Variants in EEA1 observed in about 807,000 individuals in gnomAD.
EEA1 encodes the protein early endosome antigen 1, also known as early endosome antigen 1, 162kD.
EEA1 carries 111 observed loss-of-function variants against 209.2 expected under a neutral mutation model. The ratio of observed to expected loss-of-function variants is 0.53; its 90% CI spans 0.45 to 0.62. The LOEUF (loss-of-function observed/expected upper bound fraction) is 0.62, where lower values mean the gene tolerates loss of function less well. Ranked by LOEUF, EEA1 falls within the 20% of genes least tolerant of loss-of-function variation. The pLI is 0.00. For synonymous variants in EEA1, 536 were observed against 540.6 expected (o/e 0.99, Z 0.12); for missense variants, 1,343 against 1,530.8 (o/e 0.88, Z 2.05).
intron 1 of EEA1, among the ~76,000 whole-genome samples, chr12:92,898,731 C>CTTTTTTT (rs772593153): frequency 2.6e-5 from 2 of 76,110 alleles, no homozygotes; most frequent in Non-Finnish European, 4.9e-5. Flanking sequence ...CTTTTTTTCC[C>CTTTTTTT]TTTTTTTTTT....
rs1881330740 is a variant in EEA1, at chr12:92,929,122, A to G, written c.-56T>C. 5 of 1,543,130 alleles carry G rather than the reference A, an allele frequency of 3.2e-6. No homozygotes were observed. The South Asian group carries it at 5.9e-5, about 18-fold the overall frequency. On this transcript the variant is annotated 5_prime_UTR_variant, in exon 1 of 29. Coordinates refer to ENST00000322349, the MANE Select transcript of EEA1 (RefSeq NM_003566.4). ...GACTCTCCAGACCCTGCGCGGGGCC[A>G]CTCACTACTCGGGGTGCGCGGGCGG...
chr12:92,928,561 C>G (rs1212473168), intron 1 of EEA1, among the ~76,000 whole-genome samples: 1 of 152,212 alleles, frequency 6.6e-6, no homozygotes, highest in Non-Finnish European at 1.5e-5. Context: ...AAGGAGAAAG[C>G]AGGGCCGTGT....
chr12:92,779,117 A>C lies in EEA1; in HGVS notation c.3652T>G (p.Leu1218Val), dbSNP rs763455339. ...KKEFIEKEAK[L>V]HSEIKEKEVG... ...CTTCCCCCGATTAACTCACTGACCA[A>C]CTTAGCTTCTTTCTCAATAAATTCT... Residue 1218 changes from leucine to valine, a missense_variant and splice_region_variant, in exon 25 of 29, where the codon TTG becomes GTG. This residue lies in a region of EEA1 where 1,307 missense variants were observed against 1,465.5 expected (regional missense o/e 0.89). Coordinates refer to ENST00000322349, the MANE Select transcript of EEA1 (RefSeq NM_003566.4). The C allele has an allele frequency of 3.1e-6, 5 of 1,599,496 alleles. No homozygotes were observed. The highest frequency in any genetic ancestry group is 4.3e-6 in the Non-Finnish European group (5 of 1,176,450).
At chr12:92,822,525 G>A (rs891847797) in intron 13 of EEA1, among the ~76,000 whole-genome samples, 2 of 151,662 alleles carry the variant, frequency 1.3e-5, no homozygotes, top group Admixed American at 6.6e-5. Context: ...ATTTGAAGGT[G>A]CTGATTACCC....
chr12:92,867,741 A>G (rs1344828723), intron 2 of EEA1, among the ~76,000 whole-genome samples: 1 of 152,200 alleles, frequency 6.6e-6, no homozygotes, highest in Non-Finnish European at 1.5e-5. Flanking sequence ...TTACAGGAAC[A>G]CAGGAGAAGT....
Position 92,864,914 on chromosome 12 carries a change from T to C in EEA1, c.191A>G (p.His64Arg). 2.5e-6 allele frequency: 4 copies of C among 1,611,290 alleles called. No individual in the cohort carries two copies. Among genetic ancestry groups the C allele is most frequent in the Non-Finnish European group, 3.4e-6 (4 of 1,178,798 alleles). ...DELFKHYEAV[H>R]DAGNDSGHGG... ...ATGACCTGAGTCATTACCAGCATCATGAACAGCTTCATAATGTTTGAAAAG... is the reference window on the plus strand; with the variant it reads ...ATGACCTGAGTCATTACCAGCATCACGAACAGCTTCATAATGTTTGAAAAG... Residue 64 changes from histidine to arginine, a missense_variant, in exon 3 of 29, where the codon CAT becomes CGT. Transcript: ENST00000322349.
rs1224226632 is a variant in EEA1, at chr12:92,774,552, CTT to C, written c.*1457_*1458del. ...ATAAACCAATATTAATAACTTCTCT[CTT>C]GAGATGTTTTACAATTTTCCAAATT... On this transcript the variant is annotated 3_prime_UTR_variant, in exon 29 of 29. Transcript: ENST00000322349. 2 of 151,640 alleles carry C rather than the reference CTT, an allele frequency of 1.3e-5. No homozygotes were observed. The highest frequency in any genetic ancestry group is 3.0e-5 in the Non-Finnish European group (2 of 67,620). 9.4% of individuals were successfully genotyped at this position (151,640 alleles called of 1,614,324 possible).
At chr12:92,785,314 C>A (rs887008067) in intron 22 of EEA1, among the ~76,000 whole-genome samples, 5 of 152,100 alleles carry the variant, frequency 3.3e-5, no homozygotes, top group African/African-American at 1.2e-4. Context: ...GCCAGGCTAC[C>A]TTCCATTCTA....
intron 1 of EEA1, among the ~76,000 whole-genome samples, chr12:92,898,899 G>T (rs1880031265): frequency 6.7e-6 from 1 of 149,026 alleles, no homozygotes; most frequent in Admixed American, 6.7e-5. Flanking sequence ...AATAAAGATG[G>T]CTAGAGAACA....
intron 21 of EEA1, among the ~76,000 whole-genome samples, chr12:92,788,320 G>A (rs956672492): frequency 6.6e-6 from 1 of 150,996 alleles, no homozygotes; most frequent in Non-Finnish European, 1.5e-5. Context: ...ATCAGGTCTC[G>A]GGAGAAAGAG....
chr12:92,892,480 A>G (rs1879690049), intron 1 of EEA1, among the ~76,000 whole-genome samples: 1 of 152,178 alleles, frequency 6.6e-6, no homozygotes, highest in African/African-American at 2.4e-5. Context: ...TCAAGATCCA[A>G]GTTAAAGCAA....
chr12:92,827,812 T>A, intron 12 of EEA1, 100 bp downstream of exon 12: 1 of 1,304,366 alleles, frequency 7.7e-7, no homozygotes, highest in Non-Finnish European at 1.0e-6. Flanking sequence ...ATTTGCACTT[T>A]AAAAAGTCCA....
chr12:92,797,134 C>T (rs1229559494), intron 21 of EEA1, among the ~76,000 whole-genome samples: 1 of 152,202 alleles, frequency 6.6e-6, no homozygotes, highest in Admixed American at 6.5e-5. Flanking sequence ...GTTGCCCAAG[C>T]TGGAGTGCAG....
chr12:92,777,763 G>A, intron 26 of EEA1, 100 bp from the exon 27 acceptor site: 1 of 1,321,552 alleles, frequency 7.6e-7, no homozygotes, highest in Non-Finnish European at 1.0e-6. Flanking sequence ...TAAAATATAT[G>A]ATACATTAAT....
intron 1 of EEA1, among the ~76,000 whole-genome samples, chr12:92,910,947 C>G (rs1046374742): frequency 6.6e-6 from 1 of 152,236 alleles, no homozygotes; most frequent in Non-Finnish European, 1.5e-5. Flanking sequence ...CACAACACAG[C>G]TAGTAGAATG....
At chr12:92,820,007 CTTGGTTATCA>C (rs1227956925) in intron 13 of EEA1, among the ~76,000 whole-genome samples, 1 of 152,182 alleles carries the variant, frequency 6.6e-6, no homozygotes, top group African/African-American at 2.4e-5. Context: ...TATTCCCTAT[CTTGGTTATCA>C]TTTTCTTTCC....
At chr12:92,829,890 AT>A (rs1380611997) in intron 11 of EEA1, among the ~76,000 whole-genome samples, 1 of 152,024 alleles carries the variant, frequency 6.6e-6, no homozygotes, top group African/African-American at 2.4e-5. Flanking sequence ...AAAGAAAGAC[AT>A]AAATTATGAT....
At chr12:92,800,857 A>G (rs377422629) in intron 20 of EEA1, among the ~76,000 whole-genome samples, 1 of 152,246 alleles carries the variant, frequency 6.6e-6, no homozygotes, top group East Asian at 1.9e-4. Flanking sequence ...TTGGGCATGA[A>G]GCAATTATAA....
chr12:92,887,025 CAAAA>C (rs1435230184), intron 2 of EEA1, among the ~76,000 whole-genome samples: 1 of 25,506 alleles, frequency 3.9e-5, no homozygotes, highest in African/African-American at 1.1e-4. Context: ...AACAAACAAA[CAAAA>C]ACAAAGAAAA....
Sources: allele counts gnomAD v4.1 joint callset (sites outside exome capture counted in the v4.1 genomes callset), GRCh38; gene constraint gnomAD v4.1.1; regional missense constraint gnomAD v4.1.1; transcripts MANE v1.5; gene names NCBI Gene and HGNC (gene_info 2026-07-23, HGNC 2026-07-21).